PTPN12: variants seen among roughly 807,000 people sequenced by gnomAD.
PTPN12 encodes protein tyrosine phosphatase non-receptor type 12.
A neutral mutation model predicts 97.6 loss-of-function variants in PTPN12; 29 were observed. That is an observed-to-expected ratio of 0.30 (90% confidence interval 0.22 to 0.41). PTPN12 has a LOEUF of 0.41. Among genes scored for constraint, PTPN12 ranks in the 10% least tolerant of loss-of-function variants. The pLI is 1.00. For missense variants in PTPN12, 819 were observed against 926.0 expected (o/e 0.88, Z 1.50); for synonymous variants, 327 against 300.4 (o/e 1.09, Z -0.91).
At chr7:77,633,502 G>A (rs953629340) in intron 14 of PTPN12, among the ~76,000 whole-genome samples, 5 of 151,790 alleles carry the variant, frequency 3.3e-5, no homozygotes, top group Non-Finnish European at 7.4e-5. Flanking sequence ...CCAGCTGCTC[G>A]GGAGGCTGAG....
intron 1 of PTPN12, among the ~76,000 whole-genome samples, chr7:77,564,738 G>A (rs1397728151): frequency 1.7e-5 from 1 of 59,264 alleles, no homozygotes; most frequent in Non-Finnish European, 3.5e-5. Context: ...GTTGTTTTTT[G>A]TTGTCGTGTT....
intron 1 of PTPN12, among the ~76,000 whole-genome samples, chr7:77,548,411 T>G (rs1807322577): frequency 6.6e-6 from 1 of 152,184 alleles, no homozygotes; most frequent in Non-Finnish European, 1.5e-5. Flanking sequence ...AAGAATAACT[T>G]CTCTAGACAC....
At chr7:77,577,545 TC>T (rs1297569845) in intron 2 of PTPN12, among the ~76,000 whole-genome samples, 4 of 152,146 alleles carry the variant, frequency 2.6e-5, no homozygotes, top group Non-Finnish European at 5.9e-5. Flanking sequence ...TGTTCCTTAC[TC>T]CCTTTCCTTG....
At chr7:77,585,271 A>C (rs1787652407) in intron 4 of PTPN12, 1 of 271,006 alleles carries the variant, frequency 3.7e-6, no homozygotes, top group East Asian at 6.9e-5. Flanking sequence ...AGAAGTCACA[A>C]AGTAAATCTG....
Position 77,610,772 on chromosome 7 carries a change from C to G in PTPN12, c.770C>G (p.Pro257Arg), listed in dbSNP as rs762242318. The G allele has an allele frequency of 6.3e-7, 1 of 1,597,950 alleles. No homozygotes were observed. Among genetic ancestry groups the G allele is most frequent in the Non-Finnish European group, 8.5e-7 (1 of 1,174,672 alleles). The change falls in exon 10 of 18, where the codon CCA becomes CGA. Residue 257 changes from proline (P) to arginine (R), a missense_variant. Pro to Arg is a moderately radical substitution (Grantham distance 103). Transcript: ENST00000248594. ...TWNLLKAGKI[P>R]EEFNVFNLIQ... is the part of the protein sequence containing the mutation. The stretch of plus-strand genomic sequence containing the variant: ...TTAAATTTTCTGTTTTAGAAAATAC[C>G]AGAGGAATTTAATGTATTTAATTTA...
intron 1 of PTPN12, chr7:77,537,940 T>G: frequency 1.4e-6 from 1 of 719,238 alleles, no homozygotes; most frequent in Non-Finnish European, 1.8e-6. Context: ...CACCTATTGT[T>G]TACCGGGCCG....
chr7:77,604,245 TTGGGCTGTCGCC>T (rs1788284528), intron 8 of PTPN12, among the ~76,000 whole-genome samples: 1 of 121,118 alleles, frequency 8.3e-6, no homozygotes, highest in African/African-American at 3.2e-5. Context: ...AGACGGAGTC[TTGGGCTGTCGCC>T]TGGGCTGGAG....
intron 1 of PTPN12, among the ~76,000 whole-genome samples, chr7:77,553,930 A>G (rs1807587572): frequency 6.9e-6 from 1 of 145,716 alleles, no homozygotes; most frequent in South Asian, 2.2e-4. Flanking sequence ...CTTTCTTAGC[A>G]TGTCAGTTTT....
intron 8 of PTPN12, chr7:77,604,816 C>A: frequency 2.7e-6 from 1 of 375,518 alleles, no homozygotes; most frequent in Non-Finnish European, 5.4e-6. Flanking sequence ...TATTTTTATC[C>A]ACCTGGATTT....
chr7:77,604,487 T>TA (rs1274232636), intron 8 of PTPN12, among the ~76,000 whole-genome samples: 1 of 152,106 alleles, frequency 6.6e-6, no homozygotes, highest in African/African-American at 2.4e-5. Context: ...GTGCTGGGAT[T>TA]ACAGGCGTGA....
At chr7:77,593,709 C>T (rs1445823329) in intron 6 of PTPN12, among the ~76,000 whole-genome samples, 1 of 152,224 alleles carries the variant, frequency 6.6e-6, no homozygotes, top group Non-Finnish European at 1.5e-5. Flanking sequence ...CAGAGACTAC[C>T]AGTTTAAATG....
chr7:77,616,822 G>A (rs1023454330), intron 11 of PTPN12, among the ~76,000 whole-genome samples: 5 of 151,786 alleles, frequency 3.3e-5, no homozygotes, highest in African/African-American at 7.3e-5. Flanking sequence ...TTGCTCTGTC[G>A]CCCACACTGG....
chr7:77,637,939 CT>C (rs1562769157), intron 16 of PTPN12, among the ~76,000 whole-genome samples: 1 of 92,352 alleles, frequency 1.1e-5, no homozygotes, highest in African/African-American at 4.1e-5. Flanking sequence ...TTGTTGATTT[CT>C]TAAAATTTTT....
At position 77,594,524 on chromosome 7, in the gene PTPN12, C is replaced by A. The variant is rs951355975; in HGVS notation, c.492+2268C>A. Among the ~76,000 whole-genome samples the A allele has an allele frequency of 3.9e-5, 6 of 151,988 alleles. No individual in the cohort carries two copies. The South Asian group carries it at 1.2e-3, about 31-fold the overall frequency. On this transcript the variant is annotated intron_variant, in intron 6 of 17. Coordinates refer to ENST00000248594, the MANE Select transcript of PTPN12 (RefSeq NM_002835.4). Reference sequence around the variant, plus strand: ...TTTTTAAAGTTTTATTTGTATATATCTTTTTGAGACAGGATTTTGCCCTGT... The same window carrying A: ...TTTTTAAAGTTTTATTTGTATATATATTTTTGAGACAGGATTTTGCCCTGT...
chr7:77,560,745 T>C (rs1023726450), intron 1 of PTPN12, among the ~76,000 whole-genome samples: 8 of 152,230 alleles, frequency 5.3e-5, no homozygotes, highest in African/African-American at 1.7e-4. Flanking sequence ...TTTTAAAGGG[T>C]TGAAAAATAC....
At chr7:77,575,319 A>G (rs901364487) in intron 2 of PTPN12, among the ~76,000 whole-genome samples, 15 of 142,818 alleles carry the variant, frequency 1.1e-4, no homozygotes, top group Non-Finnish European at 2.1e-4. Flanking sequence ...GCAAAACTCA[A>G]CACACACACG....
At chr7:77,607,506 G>A (rs1381424672) in intron 9 of PTPN12, among the ~76,000 whole-genome samples, 2 of 152,240 alleles carry the variant, frequency 1.3e-5, no homozygotes, top group African/African-American at 2.4e-5. Flanking sequence ...GCCAAGGTGG[G>A]AGGATCGCTT....
At chr7:77,600,833 A>G (rs768528717) in intron 8 of PTPN12, 27 bp downstream of exon 8, 1 of 1,539,532 alleles carries the variant, frequency 6.5e-7, no homozygotes, top group Non-Finnish European at 8.8e-7. Context: ...CAAGTTTATA[A>G]ATACATTATT....
chr7:77,599,617 G>A (rs17466585), intron 7 of PTPN12, among the ~76,000 whole-genome samples: 2,794 of 152,060 alleles, frequency 0.018, 34 homozygotes, highest in Middle Eastern at 0.071. Flanking sequence ...TTTAATCTAC[G>A]GTAATAATAA....
Sources: gnomAD v4.1 joint callset for allele counts (sites outside exome capture counted in the v4.1 genomes callset) on GRCh38, gnomAD v4.1.1 for gene constraint, MANE v1.5 for transcripts, NCBI Gene and HGNC (gene_info 2026-07-23, HGNC 2026-07-21) for gene names.